NEBL: variants seen among roughly 807,000 people sequenced by gnomAD.
NEBL encodes LIM and SH3 protein 2.
A neutral mutation model predicts 140.2 loss-of-function variants in NEBL; 122 were observed. The observed-to-expected ratio is 0.87, with a 90% CI of 0.75 to 1.01. The LOEUF (loss-of-function observed/expected upper bound fraction) is 1.01, where lower values mean the gene tolerates loss of function less well. Among genes scored for constraint, NEBL ranks in the 50% least tolerant of loss-of-function variants. NEBL has a pLI of 0.00. For synonymous variants in NEBL, 436 were observed against 398.9 expected (o/e 1.09, Z -1.11); for missense variants, 1,365 against 1,231.3 (o/e 1.11, Z -1.62).
chr10:21,046,606 T>G (rs1295623541), intron 2 of NEBL, among the ~76,000 whole-genome samples: 1 of 152,206 alleles, frequency 6.6e-6, no homozygotes, highest in African/African-American at 2.4e-5. Context: ...ACTTTTGTTT[T>G]TGTTTTGTTT....
chr10:20,880,803 G>GTTCC lies in NEBL; in HGVS notation c.470_471insGGAA (p.His157GlnfsTer5). 6.2e-7 allele frequency: 1 copy of GTTCC among 1,609,228 alleles called. No individual in the cohort carries two copies. On this transcript the variant is annotated frameshift_variant, in exon 5 of 28. Coordinates refer to ENST00000377122, the MANE Select transcript of NEBL (RefSeq NM_006393.3). LOFTEE classifies it high-confidence loss of function. ...AAATGCGCTTCCTTACATTACTCTG[G>GTTCC]TGTTTATTGACCTCCATGGCATGTT...
At chr10:21,117,796 C>T (rs958001182) in intron 2 of NEBL, among the ~76,000 whole-genome samples, 1 of 151,994 alleles carries the variant, frequency 6.6e-6, no homozygotes, top group African/African-American at 2.4e-5. Flanking sequence ...TTGAGTATAG[C>T]GTGGTGGTTA....
chr10:21,030,012 A>C, intron 2 of NEBL: 1 of 493,716 alleles, frequency 2.0e-6, no homozygotes, highest in Non-Finnish European at 3.9e-6. Flanking sequence ...CCCAAACTGA[A>C]TCTAAAGCCT....
intron 2 of NEBL, among the ~76,000 whole-genome samples, chr10:21,027,545 A>C (rs1430106453): frequency 6.6e-6 from 1 of 151,922 alleles, no homozygotes. Context: ...CCCAGGCTGG[A>C]TCTCGAACTC....
intron 2 of NEBL, among the ~76,000 whole-genome samples, chr10:21,120,680 C>CAAAAA (rs66476160): frequency 4.2e-5 from 3 of 71,240 alleles, no homozygotes; most frequent in East Asian, 4.7e-4. Flanking sequence ...TTCATGACAG[C>CAAAAA]AAAAAAAAAA....
At chr10:21,076,041 C>G (rs1167079405) in intron 2 of NEBL, among the ~76,000 whole-genome samples, 1 of 152,050 alleles carries the variant, frequency 6.6e-6, no homozygotes, top group Non-Finnish European at 1.5e-5. Context: ...ATAACAGGGT[C>G]TTGGTGAGGA....
intron 4 of NEBL, among the ~76,000 whole-genome samples, chr10:20,885,280 T>A (rs1846407439): frequency 6.6e-6 from 1 of 152,216 alleles, no homozygotes. Context: ...ACTCTAAGAA[T>A]CACAATTTTA....
chr10:21,243,947 G>C, intron 3 of NEBL, among the ~76,000 whole-genome samples: 1 of 151,316 alleles, frequency 6.6e-6, no homozygotes, highest in East Asian at 1.9e-4. Flanking sequence ...AAGGGAAGGG[G>C]AAGGGGAAGA....
chr10:21,258,241 T>C (rs1214048167), intron 1 of NEBL, among the ~76,000 whole-genome samples: 2 of 152,010 alleles, frequency 1.3e-5, no homozygotes, highest in Non-Finnish European at 2.9e-5. Flanking sequence ...TGAGCTATGA[T>C]TGCACCACTA....
At chr10:21,195,799 T>C (rs1050433760) in intron 3 of NEBL, among the ~76,000 whole-genome samples, 1 of 152,188 alleles carries the variant, frequency 6.6e-6, no homozygotes, top group Non-Finnish European at 1.5e-5. Context: ...AATTCAAAGT[T>C]ACCAAAATAT....
At chr10:20,923,207 A>T (rs1206414697) in intron 4 of NEBL, among the ~76,000 whole-genome samples, 1 of 151,886 alleles carries the variant, frequency 6.6e-6, no homozygotes, top group African/African-American at 2.4e-5. Flanking sequence ...AGCTGGGACC[A>T]CAGCCATGCA....
chr10:20,881,505 C>A (rs1196101273), intron 4 of NEBL, among the ~76,000 whole-genome samples: 1 of 152,142 alleles, frequency 6.6e-6, no homozygotes, highest in Non-Finnish European at 1.5e-5. Context: ...AGAAAGATAT[C>A]TCAGAAGTAG....
intron 2 of NEBL, among the ~76,000 whole-genome samples, chr10:20,895,338 G>A (rs1847385420): frequency 6.6e-6 from 1 of 152,134 alleles, no homozygotes. Flanking sequence ...ATAATAATAA[G>A]GCGAAGAACA....
intron 3 of NEBL, among the ~76,000 whole-genome samples, chr10:21,243,298 C>CTTTTTT (rs34974511): frequency 4.9e-5 from 6 of 122,580 alleles, no homozygotes; most frequent in African/African-American, 9.3e-5. Context: ...ATTGAGCATT[C>CTTTTTT]TTTTTTTTTT....
In NEBL at chr10:20,840,854, G is replaced by A; in HGVS notation, c.1228-5C>T. On this transcript the variant is annotated splice_polypyrimidine_tract_variant and splice_region_variant and intron_variant, in intron 12 of 27. Coordinates refer to ENST00000377122, the MANE Select transcript of NEBL (RefSeq NM_006393.3). ...CAAATCTTTTTTATATTCTTTCTAT[G>A]AGACAAGAATATCACAGTTCAAAAC... The A allele has an allele frequency of 1.3e-6, 2 of 1,490,122 alleles. No homozygotes were observed. Among genetic ancestry groups the A allele is most frequent in the Non-Finnish European group, 1.9e-6 (2 of 1,072,018 alleles). The allele number at this position is 1,490,122 out of a possible 1,614,324, so 92.3% of individuals were successfully genotyped here.
At position 21,222,996 on chromosome 10, in the gene NEBL, C is replaced by G. The variant is rs561800230; in HGVS notation, n.348+24925G>C. 5.3e-5 allele frequency among the ~76,000 whole-genome samples: 8 copies of G among 152,370 alleles called. No individual in the cohort carries two copies. The East Asian group carries it at 1.5e-3, about 29-fold the overall frequency. ...CAGGCTGGCCTTGAACTCCTAACCT[C>G]AGGTGATCCACCCACCTTGGCTTCC... On this transcript the variant is annotated intron_variant and non_coding_transcript_variant, in intron 3 of 8. Transcript: ENST00000675702.
chr10:20,863,187 T>TATCCTCATATGAGGATCCAG (rs1843908007), intron 7 of NEBL, among the ~76,000 whole-genome samples: 1 of 152,152 alleles, frequency 6.6e-6, no homozygotes, highest in Non-Finnish European at 1.5e-5. Context: ...TACATCTGCA[T>TATCCTCATATGAGGATCCAG]ATCCTCATAT....
chr10:20,894,883 C>T (rs889020681), intron 2 of NEBL, among the ~76,000 whole-genome samples: 19 of 144,400 alleles, frequency 1.3e-4, no homozygotes, highest in African/African-American at 4.9e-4. Context: ...GAGCCGAGAT[C>T]GTGCCACTGC....
chr10:20,983,176 T>C (rs1197464626), intron 3 of NEBL, among the ~76,000 whole-genome samples: 1 of 152,172 alleles, frequency 6.6e-6, no homozygotes, highest in Non-Finnish European at 1.5e-5. Context: ...ACTTAGGAAG[T>C]GAGAAAATCA....
Sources: gnomAD v4.1 joint callset for allele counts (sites outside exome capture counted in the v4.1 genomes callset) on GRCh38, gnomAD v4.1.1 for gene constraint, MANE v1.5 for transcripts, NCBI Gene and HGNC (gene_info 2026-07-23, HGNC 2026-07-21) for gene names.